The following NFIL3 variants were observed in gnomAD, a reference collection of about 807,000 sequenced individuals.
The protein encoded by NFIL3 is nuclear factor interleukin-3-regulated protein.
NFIL3 carries 5 observed loss-of-function variants against 10.0 expected under a neutral mutation model. The observed-to-expected ratio is 0.50, with a 90% CI of 0.26 to 1.06. NFIL3 has a LOEUF of 1.06. NFIL3 is among the 50% of genes least tolerant of loss of function. The pLI, the probability that NFIL3 is intolerant of heterozygous loss-of-function variation, is 0.13. For missense variants in NFIL3, 436 were observed against 547.6 expected, an observed-to-expected ratio of 0.80 and a Z score of 2.03; for synonymous variants, 202 against 206.5, an observed-to-expected ratio of 0.98 and a Z score of 0.19.
the NFIL3 span, among the ~76,000 whole-genome samples, chr9:91,469,566 T>C: frequency 6.6e-6 from 1 of 152,178 alleles, no homozygotes; most frequent in Non-Finnish European, 1.5e-5. Context: ...TCCAACACTA[T>C]GTTGAATAGG....
chr9:91,472,585 T>G, the NFIL3 span, among the ~76,000 whole-genome samples: 2 of 152,176 alleles, frequency 1.3e-5, no homozygotes, highest in Non-Finnish European at 2.9e-5. Context: ...CTATGCTGTT[T>G]ATTCTAGTTA....
At chr9:91,415,350 A>G (rs375339747) in intron 1 of NFIL3, among the ~76,000 whole-genome samples, 119 of 152,318 alleles carry the variant, frequency 7.8e-4, no homozygotes, top group African/African-American at 2.8e-3. Flanking sequence ...GCTTTCTTTC[A>G]TTCACTTTTG....
At chr9:91,427,472 T>G (rs1380385134), upstream of NFIL3, among the ~76,000 whole-genome samples, 2 of 152,236 alleles carry the variant, frequency 1.3e-5, no homozygotes, top group Non-Finnish European at 2.9e-5. Context: ...ACCTCCTGTC[T>G]GGTCTGGTGG....
the NFIL3 span, among the ~76,000 whole-genome samples, chr9:91,430,259 A>G: frequency 6.6e-6 from 1 of 152,184 alleles, no homozygotes; most frequent in Non-Finnish European, 1.5e-5. Context: ...ACAAGAAAGA[A>G]TAACAGAGGT....
At chr9:91,435,760 A>G in the NFIL3 span, among the ~76,000 whole-genome samples, 5 of 152,182 alleles carry the variant, frequency 3.3e-5, no homozygotes, top group South Asian at 8.3e-4. Context: ...AGTTTATTCC[A>G]TGTGCCTACA....
chr9:91,424,175 G>A (rs1564160265), upstream of NFIL3, among the ~76,000 whole-genome samples: 6 of 152,112 alleles, frequency 3.9e-5, no homozygotes, highest in African/African-American at 1.4e-4. Flanking sequence ...GAGCCCGGGA[G>A]CCCCCCGTCC....
At chr9:91,468,953 T>C in the NFIL3 span, among the ~76,000 whole-genome samples, 1 of 151,928 alleles carries the variant, frequency 6.6e-6, no homozygotes, top group African/African-American at 2.4e-5. Context: ...TTGTGTAGTT[T>C]GAAGTCAGCC....
At chr9:91,430,380 A>G in the NFIL3 span, among the ~76,000 whole-genome samples, 1 of 152,156 alleles carries the variant, frequency 6.6e-6, no homozygotes, top group African/African-American at 2.4e-5. Flanking sequence ...CTTGGCGCTC[A>G]TTCACTCACT....
chr9:91,444,373 T>G, the NFIL3 span, among the ~76,000 whole-genome samples: 5 of 152,260 alleles, frequency 3.3e-5, no homozygotes, highest in African/African-American at 1.2e-4. Flanking sequence ...TTCTTTTGTA[T>G]CTTCCTGGAT....
the NFIL3 span, among the ~76,000 whole-genome samples, chr9:91,477,321 G>A: frequency 6.6e-6 from 1 of 152,158 alleles, no homozygotes; most frequent in Non-Finnish European, 1.5e-5. Context: ...ACCCCCTCGT[G>A]CTTCACATCT....
At chr9:91,482,891 G>A in the NFIL3 span, among the ~76,000 whole-genome samples, 1 of 152,212 alleles carries the variant, frequency 6.6e-6, no homozygotes, top group African/African-American at 2.4e-5. Flanking sequence ...TAATGGGGCA[G>A]AAAGGACTGC....
At position 91,409,185 on chromosome 9, in the gene NFIL3, C is replaced by A; in HGVS notation, c.*161G>T. On this transcript the variant is annotated 3_prime_UTR_variant, in exon 2 of 2. Transcript: ENST00000297689. Reference sequence around the variant, plus strand: ...AGGCAGAGTGATAACACAATCTAATCTTCATCATAATCTGTGCACAAAAAG... The same window carrying A: ...AGGCAGAGTGATAACACAATCTAATATTCATCATAATCTGTGCACAAAAAG... 1 of 650,104 alleles carries A rather than the reference C, an allele frequency of 1.5e-6. No individual in the cohort carries two copies. 40.3% of individuals were successfully genotyped at this position (650,104 alleles called of 1,614,324 possible). A position where few individuals can be genotyped will look rare whatever the true frequency, so the allele number is the denominator to read the frequency against.
At chr9:91,412,721 G>A (rs906371417) in intron 1 of NFIL3, among the ~76,000 whole-genome samples, 1 of 152,208 alleles carries the variant, frequency 6.6e-6, no homozygotes, top group African/African-American at 2.4e-5. Flanking sequence ...ACAGGCGCCT[G>A]TAATCCCAGC....
At chr9:91,472,781 G>A in the NFIL3 span, among the ~76,000 whole-genome samples, 1 of 152,142 alleles carries the variant, frequency 6.6e-6, no homozygotes, top group East Asian at 1.9e-4. Flanking sequence ...AGGAGAAGAG[G>A]TGCTCTGGTT....
chr9:91,437,718 A>T, the NFIL3 span, among the ~76,000 whole-genome samples: 1 of 152,096 alleles, frequency 6.6e-6, no homozygotes, highest in Admixed American at 6.5e-5. Context: ...ATCTCTGTAT[A>T]TATGACTCTT....
At chr9:91,451,626 A>ACAAT in the NFIL3 span, among the ~76,000 whole-genome samples, 1 of 152,208 alleles carries the variant, frequency 6.6e-6, no homozygotes, top group Non-Finnish European at 1.5e-5. Flanking sequence ...AGCACACCTG[A>ACAAT]GAGATAATGA....
chr9:91,412,484 T>C (rs889909335), intron 1 of NFIL3, among the ~76,000 whole-genome samples: 1 of 152,166 alleles, frequency 6.6e-6, no homozygotes, highest in African/African-American at 2.4e-5. Context: ...TTTCGTTAAA[T>C]AGACATGGTA....
At chr9:91,418,017 A>G (rs2482703) in intron 1 of NFIL3, among the ~76,000 whole-genome samples, 10,543 of 152,286 alleles carry the variant, frequency 0.069, 449 homozygotes, top group Admixed American at 0.097. Context: ...GCATTTTATT[A>G]CATCACTGAT....
the NFIL3 span, among the ~76,000 whole-genome samples, chr9:91,444,882 C>T: frequency 2.0e-5 from 3 of 152,190 alleles, no homozygotes; most frequent in Non-Finnish European, 4.4e-5. Flanking sequence ...TCGTTTCAAG[C>T]CTGACATGGC....
Sources: gnomAD v4.1 joint callset for allele counts (sites outside exome capture counted in the v4.1 genomes callset) on GRCh38, gnomAD v4.1.1 for gene constraint, MANE v1.5 for transcripts, NCBI Gene and HGNC (gene_info 2026-07-23, HGNC 2026-07-21) for gene names.